ASCC1: variants seen among roughly 807,000 people sequenced by gnomAD.
ASCC1 encodes activating signal cointegrator 1 complex subunit 1, also known as ASC-1 complex subunit P50.
ASCC1 carries 35 observed loss-of-function variants against 46.6 expected under a neutral mutation model. The ratio of observed to expected loss-of-function variants is 0.75; its 90% confidence interval spans 0.57 to 0.99. The LOEUF is 0.99. ASCC1 is among the 50% of genes least tolerant of loss of function. The pLI is 0.00. For synonymous variants in ASCC1, 143 were observed against 146.6 expected, an observed-to-expected ratio of 0.98 and a Z score of 0.18; for missense variants, 376 against 428.7, an observed-to-expected ratio of 0.88 and a Z score of 1.09.
rs369820428 is a variant in ASCC1, at chr10:72,162,315, C to T, written c.490-641G>A. Among the ~76,000 whole-genome samples, 664 of 152,014 alleles carry T rather than the reference C, an allele frequency of 4.4e-3. 2 individuals carry two copies. Among genetic ancestry groups the T allele is most frequent in the African/African-American group, 0.014 (599 of 41,456 alleles). ...CCTCCCAAGTAGCTGGGACTACAGGCGCCCGCCACCACGCCCGGCTAATTT... is the reference window on the plus strand; with the variant it reads ...CCTCCCAAGTAGCTGGGACTACAGGTGCCCGCCACCACGCCCGGCTAATTT... On this transcript the variant is annotated intron_variant, in intron 5 of 9. Coordinates refer to ENST00000672957, the MANE Select transcript of ASCC1 (RefSeq NM_001198800.3).
In ASCC1 at chr10:72,161,620, T is replaced by C. The variant is rs770792014; in HGVS notation, c.544A>G (p.Ile182Val). ...FQNPKKLHLT[I>V]GMLVLLSEEE... ...TCACTCAAAAGCACCAACATCCCAA[T>C]AGTTAGATGAAGCTTTTTAGGATTC... The change falls in exon 6 of 10, where the codon ATT becomes GTT. Residue 182 changes from isoleucine (I) to valine (V), a missense_variant. Transcript: ENST00000672957. 4.3e-6 allele frequency: 7 copies of C among 1,614,116 alleles called. No homozygotes were observed. Among genetic ancestry groups the C allele is most frequent in the Non-Finnish European group, 5.9e-6 (7 of 1,180,014 alleles).
rs529084715 is a variant in ASCC1 at position 72,102,250 on chromosome 10, T to C, written c.958-4800A>G. 9.3e-5 allele frequency: 116 copies of C among 1,245,568 alleles called. No homozygotes were observed. The African/African-American group carries it at 1.5e-3, about 16-fold the overall frequency. 77.2% of individuals were successfully genotyped at this position (1,245,568 alleles called of 1,614,324 possible). A position where few individuals can be genotyped will look rare whatever the true frequency, so the allele number is the denominator to read the frequency against. On this transcript the variant is annotated intron_variant, in intron 9 of 9. Transcript: ENST00000672957. ...GTGTATATGAGGCTGCCATTGACAG[T>C]AACAGAACATTTTTGAAAGGGAGCT...
Position 72,150,398 on chromosome 10 carries a change from G to A in ASCC1, c.746+2471C>T, listed in dbSNP as rs1268677617. Among the ~76,000 whole-genome samples, 5 of 152,274 alleles carry A rather than the reference G, an allele frequency of 3.3e-5. No homozygotes were observed. The South Asian group carries it at 1.0e-3, about 32-fold the overall frequency. ...ATGTGGGAGCCTGCCTAGAGAATCA[G>A]ATTTTCTCTAGAAGGTTTCTGGCTC... On this transcript the variant is annotated intron_variant, in intron 7 of 9. Transcript: ENST00000672957.
chr10:72,197,906 A>AAAATAAATAAATAAATATATAAAT (rs375640125), intron 4 of ASCC1, among the ~76,000 whole-genome samples: 21 of 140,012 alleles, frequency 1.5e-4, no homozygotes, highest in African/African-American at 6.1e-4. Flanking sequence ...ACCCTGTCTC[A>AAAATAAATAAATAAATATATAAAT]AAATAAATAA....
At chr10:72,129,991 A>C (rs1845396717) in intron 8 of ASCC1, among the ~76,000 whole-genome samples, 1 of 151,008 alleles carries the variant, frequency 6.6e-6, no homozygotes, top group South Asian at 2.1e-4. Context: ...AAAAAAAAAA[A>C]AAAAAAAAAA....
chr10:72,108,063 T>C (rs1320170948), intron 9 of ASCC1, among the ~76,000 whole-genome samples: 3 of 151,380 alleles, frequency 2.0e-5, no homozygotes, highest in South Asian at 4.2e-4. Context: ...ACTTTCTTTT[T>C]CTTTTTCTTT....
chr10:72,189,917 G>A, intron 5 of ASCC1: 1 of 693,928 alleles, frequency 1.4e-6, no homozygotes, highest in Non-Finnish European at 2.6e-6. Flanking sequence ...TTTCTGTCTG[G>A]CGGCAGCCAT....
In ASCC1 at chr10:72,196,799, G is replaced by A. The variant is rs1337339022; in HGVS notation, c.489+12C>T. The A allele has an allele frequency of 2.0e-5, 32 of 1,609,928 alleles. No individual in the cohort carries two copies. The Admixed American group carries it at 5.2e-4, about 26-fold the overall frequency. ...ACTTTTTTTTTAACCTTCTTGCTTT[G>A]TTTGCACTTACCATGGAGCACTTCG... On this transcript the variant is annotated intron_variant, in intron 5 of 9. Coordinates refer to ENST00000672957, the MANE Select transcript of ASCC1 (RefSeq NM_001198800.3).
intron 6 of ASCC1, among the ~76,000 whole-genome samples, chr10:72,154,245 A>G (rs529243370): frequency 5.9e-5 from 9 of 152,280 alleles, no homozygotes; most frequent in African/African-American, 1.7e-4. Flanking sequence ...GAATCTTGCA[A>G]CTCCTGATAA....
chr10:72,124,237 G>T (rs997606259), intron 9 of ASCC1, among the ~76,000 whole-genome samples: 1 of 152,078 alleles, frequency 6.6e-6, no homozygotes, highest in Non-Finnish European at 1.5e-5. Flanking sequence ...TAAATTAAAA[G>T]ATTCTTATAT....
intron 7 of ASCC1, among the ~76,000 whole-genome samples, chr10:72,139,116 T>C (rs1305158508): frequency 3.7e-5 from 5 of 134,608 alleles, no homozygotes; most frequent in African/African-American, 1.4e-4. Flanking sequence ...TTCTTTTTCT[T>C]TTTTTTTTTT....
At chr10:72,106,830 GA>G (rs1391489630) in intron 9 of ASCC1, among the ~76,000 whole-genome samples, 2 of 152,194 alleles carry the variant, frequency 1.3e-5, no homozygotes, top group Non-Finnish European at 2.9e-5. Context: ...TACTGTCAGA[GA>G]AATTTAAGAG....
chr10:72,101,474 AAC>A (rs1841754273), intron 9 of ASCC1, among the ~76,000 whole-genome samples: 1 of 152,098 alleles, frequency 6.6e-6, no homozygotes, highest in South Asian at 2.1e-4. Context: ...TATAGGGCGT[AAC>A]ACAGAGGAGG....
At chr10:72,172,190 C>A (rs1212497598) in intron 5 of ASCC1, among the ~76,000 whole-genome samples, 1 of 151,784 alleles carries the variant, frequency 6.6e-6, no homozygotes, top group African/African-American at 2.4e-5. Flanking sequence ...CCGAGGCGGG[C>A]GGATCACGAG....
chr10:72,199,423 G>A (rs1159284470), intron 4 of ASCC1, among the ~76,000 whole-genome samples: 1 of 150,814 alleles, frequency 6.6e-6, no homozygotes, highest in African/African-American at 2.4e-5. Context: ...TCAGCCTCCT[G>A]AGTAGCTGGG....
At chr10:72,198,728 A>G (rs910705850) in intron 4 of ASCC1, 44 of 455,426 alleles carry the variant, frequency 9.7e-5, no homozygotes, top group Non-Finnish European at 1.7e-4. Context: ...ATGCAACTGC[A>G]GACTTGACTT....
chr10:72,198,920 G>C (rs544828824), intron 4 of ASCC1, among the ~76,000 whole-genome samples: 32 of 134,914 alleles, frequency 2.4e-4, no homozygotes, highest in African/African-American at 8.9e-4. Context: ...AGGTTCAAGC[G>C]ATTCTCCTGC....
rs151219575 is a variant in ASCC1, at chr10:72,128,126, T to C, written c.913A>G (p.Ile305Val). Residue 305 changes from isoleucine (I) to valine (V), a missense_variant, in exon 9 of 10, where the codon ATC becomes GTC. By Grantham distance (29) the Ile-to-Val change is conservative (BLOSUM62 3). Transcript: ENST00000672957. The stretch of plus-strand genomic sequence containing the variant: ...TCAAATGATTCTCTTTCCTTGAAGA[T>C]ATATTTGCCTTCCGCTGTGTAGAGA... ...YNLYTAEGKY[I>V]FKERESFDGR... is the part of the protein sequence containing the mutation. 5.6e-6 allele frequency: 9 copies of C among 1,613,924 alleles called. No individual in the cohort carries two copies. Among genetic ancestry groups the C allele is most frequent in the Non-Finnish European group, 7.6e-6 (9 of 1,179,948 alleles).
At chr10:72,104,381 A>C (rs1388955360) in intron 9 of ASCC1, among the ~76,000 whole-genome samples, 2 of 152,178 alleles carry the variant, frequency 1.3e-5, no homozygotes, top group African/African-American at 2.4e-5. Flanking sequence ...TGAATTCTGG[A>C]TGAAAATAAG....
Sources: gnomAD v4.1 joint callset for allele counts (sites outside exome capture counted in the v4.1 genomes callset) on GRCh38, gnomAD v4.1.1 for gene constraint, MANE v1.5 for transcripts, NCBI Gene and HGNC (gene_info 2026-07-23, HGNC 2026-07-21) for gene names.